SCFD2: variants seen among roughly 807,000 people sequenced by gnomAD.
The protein encoded by SCFD2 is sec1 family domain containing 2.
SCFD2 carries 54 observed loss-of-function variants against 58.9 expected under a neutral mutation model. That is an observed-to-expected ratio of 0.92 (90% confidence interval 0.74 to 1.15). SCFD2 has a LOEUF of 1.15. Among genes scored for constraint, SCFD2 ranks in the 50% most tolerant of loss-of-function variants. SCFD2 has a pLI of 0.00. For synonymous variants in SCFD2, 321 were observed against 335.9 expected (o/e 0.96, Z 0.49); for missense variants, 805 against 836.6 (o/e 0.96, Z 0.47).
At chr4:53,281,034 T>C (rs1451300622) in intron 3 of SCFD2, among the ~76,000 whole-genome samples, 2 of 152,244 alleles carry the variant, frequency 1.3e-5, no homozygotes, top group African/African-American at 4.8e-5. Flanking sequence ...TTGCTTTTCC[T>C]CTTGGCTCTG....
chr4:53,061,668 G>C (rs73250928), intron 5 of SCFD2, among the ~76,000 whole-genome samples: 2,965 of 152,190 alleles, frequency 0.019, 42 homozygotes, highest in East Asian at 0.04. Context: ...CTTACTCTGC[G>C]TTATTTATTC....
At chr4:53,357,049 C>T (rs1734421815) in intron 1 of SCFD2, among the ~76,000 whole-genome samples, 1 of 152,010 alleles carries the variant, frequency 6.6e-6, no homozygotes, top group African/African-American at 2.4e-5. Context: ...TTTAAACTTC[C>T]TAACTGGAAG....
At chr4:53,361,337 TAAAG>T in intron 1 of SCFD2, among the ~76,000 whole-genome samples, 1 of 152,384 alleles carries the variant, frequency 6.6e-6, no homozygotes, top group Middle Eastern at 3.4e-3. Flanking sequence ...CTTAAAATGA[TAAAG>T]AACACTTAAC....
chr4:53,205,297 C>CT (rs915927591), intron 4 of SCFD2, among the ~76,000 whole-genome samples: 2 of 152,110 alleles, frequency 1.3e-5, no homozygotes, highest in African/African-American at 2.4e-5. Flanking sequence ...TCTGTACCAC[C>CT]TTTTTTTACC....
chr4:53,133,798 G>C (rs1054402737), intron 5 of SCFD2, among the ~76,000 whole-genome samples: 11 of 152,294 alleles, frequency 7.2e-5, no homozygotes, highest in Admixed American at 7.2e-4. Context: ...TGCTCTGTTA[G>C]ATTTCTAGTG....
chr4:53,333,935 G>A (rs1379322448), intron 2 of SCFD2, among the ~76,000 whole-genome samples: 2 of 140,896 alleles, frequency 1.4e-5, no homozygotes, highest in Non-Finnish European at 3.1e-5. Flanking sequence ...CAAAAAGTGG[G>A]TGAAGGACAT....
chr4:53,094,364 G>C (rs948521616), intron 5 of SCFD2, among the ~76,000 whole-genome samples: 22 of 152,060 alleles, frequency 1.4e-4, no homozygotes, highest in African/African-American at 5.1e-4. Flanking sequence ...GTTTTTCTAA[G>C]TCTCTGTCTC....
At chr4:53,189,770 T>C (rs988693614) in intron 4 of SCFD2, among the ~76,000 whole-genome samples, 4 of 152,100 alleles carry the variant, frequency 2.6e-5, no homozygotes, top group Non-Finnish European at 5.9e-5. Flanking sequence ...CAAAATAGAC[T>C]GGAGGAGGTT....
chr4:53,036,156 C>G (rs1201942066), intron 5 of SCFD2, among the ~76,000 whole-genome samples: 2 of 151,906 alleles, frequency 1.3e-5, no homozygotes, highest in Non-Finnish European at 2.9e-5. Context: ...GTTTGCTGCA[C>G]CCATCAACTC....
chr4:53,317,655 C>T (rs1020760591), intron 2 of SCFD2, among the ~76,000 whole-genome samples: 1 of 152,208 alleles, frequency 6.6e-6, no homozygotes, highest in Non-Finnish European at 1.5e-5. Flanking sequence ...GGACTATATG[C>T]AACGGCCAGT....
intron 5 of SCFD2, among the ~76,000 whole-genome samples, chr4:53,044,479 C>G (rs1401709132): frequency 6.7e-6 from 1 of 149,012 alleles, no homozygotes; most frequent in African/African-American, 2.6e-5. Context: ...GTTCCACATA[C>G]TTTACAGGAA....
At chr4:53,237,928 G>C (rs1300602071) in intron 4 of SCFD2, among the ~76,000 whole-genome samples, 1 of 117,108 alleles carries the variant, frequency 8.5e-6, no homozygotes, top group Non-Finnish European at 1.8e-5. Flanking sequence ...CCTCCCTTCC[G>C]GACGGGGCGG....
intron 2 of SCFD2, among the ~76,000 whole-genome samples, chr4:53,345,580 A>T (rs1417549590): frequency 6.6e-6 from 1 of 152,264 alleles, no homozygotes; most frequent in East Asian, 1.9e-4. Flanking sequence ...CATTTGACCC[A>T]GCAATCCCAT....
chr4:52,992,056 A>C (rs1029114124), intron 5 of SCFD2, among the ~76,000 whole-genome samples: 4 of 150,752 alleles, frequency 2.7e-5, no homozygotes, highest in Non-Finnish European at 5.9e-5. Flanking sequence ...CCCTCTCCCC[A>C]CGGTCTCCCT....
intron 6 of SCFD2, among the ~76,000 whole-genome samples, chr4:52,917,229 T>C (rs1304502806): frequency 6.6e-6 from 1 of 152,196 alleles, no homozygotes; most frequent in Admixed American, 6.5e-5. Flanking sequence ...TTTATACGTA[T>C]TAATTCACCA....
chr4:53,186,368 A>G (rs1727736815), intron 4 of SCFD2, among the ~76,000 whole-genome samples: 2 of 152,028 alleles, frequency 1.3e-5, no homozygotes, highest in African/African-American at 4.8e-5. Context: ...TCTTGTCATT[A>G]CATCACAAGT....
chr4:53,054,042 C>A (rs542055307), intron 5 of SCFD2, among the ~76,000 whole-genome samples: 1 of 152,096 alleles, frequency 6.6e-6, no homozygotes, highest in East Asian at 1.9e-4. Context: ...TTTCTTCTAT[C>A]AAGCTGTATA....
chr4:53,177,149 G>C (rs1727363184), intron 4 of SCFD2, among the ~76,000 whole-genome samples: 1 of 152,172 alleles, frequency 6.6e-6, no homozygotes, highest in Non-Finnish European at 1.5e-5. Context: ...CTGAGTGCCA[G>C]ATAGAAGAGA....
intron 4 of SCFD2, among the ~76,000 whole-genome samples, chr4:53,239,046 G>A (rs892901330): frequency 2.6e-5 from 4 of 151,722 alleles, no homozygotes; most frequent in East Asian, 3.9e-4. Context: ...CCGAGATCAC[G>A]CTACTGCACT....
Sources: gnomAD v4.1 joint callset for allele counts (sites outside exome capture counted in the v4.1 genomes callset) on GRCh38, gnomAD v4.1.1 for gene constraint, MANE v1.5 for transcripts, NCBI Gene and HGNC (gene_info 2026-07-23, HGNC 2026-07-21) for gene names.